Variants in RBFOX1 observed in about 807,000 individuals in gnomAD.
RBFOX1 encodes RNA binding fox-1 homolog 1.
A neutral mutation model predicts 57.7 loss-of-function variants in RBFOX1; 8 were observed. The observed-to-expected ratio is 0.14, with a 90% confidence interval of 0.08 to 0.25. RBFOX1 has a LOEUF of 0.25. Among genes scored for constraint, RBFOX1 ranks in the 10% least tolerant of loss-of-function variants. RBFOX1 has a pLI of 1.00. For synonymous variants in RBFOX1, 326 were observed against 222.4 expected (o/e 1.47, Z -4.15); for missense variants, 611 against 548.5 (o/e 1.11, Z -1.14).
At chr16:6,315,859 A>C (rs1470235484) in intron 1 of RBFOX1, among the ~76,000 whole-genome samples, 1 of 152,112 alleles carries the variant, frequency 6.6e-6, no homozygotes, top group African/African-American at 2.4e-5. Flanking sequence ...GACTCACCAG[A>C]TGTGAAGACT....
chr16:7,407,277 C>G (rs774404787), intron 4 of RBFOX1, among the ~76,000 whole-genome samples: 1 of 152,110 alleles, frequency 6.6e-6, no homozygotes, highest in Non-Finnish European at 1.5e-5. Flanking sequence ...GGATGTTACT[C>G]TGGCTACCAC....
At chr16:5,655,627 C>T (rs2049401461) in intron 3 of RBFOX1, among the ~76,000 whole-genome samples, 1 of 152,138 alleles carries the variant, frequency 6.6e-6, no homozygotes. Flanking sequence ...CAGCAGAGTG[C>T]CCTGTGTGTC....
intron 4 of RBFOX1, among the ~76,000 whole-genome samples, chr16:7,179,304 C>G (rs139785531): frequency 2.0e-5 from 3 of 151,632 alleles, no homozygotes; most frequent in African/African-American, 7.3e-5. Context: ...TCAAGAGATT[C>G]TGTGTTCAAA....
At chr16:5,285,123 A>G (rs1488198222) in intron 1 of RBFOX1, among the ~76,000 whole-genome samples, 1 of 152,170 alleles carries the variant, frequency 6.6e-6, no homozygotes, top group Non-Finnish European at 1.5e-5. Flanking sequence ...TATGTGTCCC[A>G]TATGTCATGT....
chr16:6,165,065 G>A (rs370064816), intron 1 of RBFOX1, among the ~76,000 whole-genome samples: 4 of 152,110 alleles, frequency 2.6e-5, no homozygotes, highest in Middle Eastern at 3.4e-3. Context: ...TCTTTGAGGC[G>A]TGATTATGGT....
At chr16:6,299,694 A>T (rs185243362) in intron 1 of RBFOX1, among the ~76,000 whole-genome samples, 1 of 152,250 alleles carries the variant, frequency 6.6e-6, no homozygotes, top group African/African-American at 2.4e-5. Context: ...CTACCTGCCA[A>T]AGCCTAAACT....
chr16:7,081,538 T>C (rs1368277473), intron 4 of RBFOX1, among the ~76,000 whole-genome samples: 1 of 152,166 alleles, frequency 6.6e-6, no homozygotes, highest in East Asian at 1.9e-4. Flanking sequence ...ATGATGGGAA[T>C]GAGAGTAGTG....
In RBFOX1 at chr16:5,492,953, C is replaced by G. The variant is rs114686940; in HGVS notation, c.258+25699C>G. On this transcript the variant is annotated intron_variant, in intron 2 of 2. Transcript: ENST00000585867. ...ACTTCTTTTGACCCTAGAGCCTACA[C>G]CAAGATTTGGCAAACTATGGCCCAT... is the stretch of plus-strand genomic sequence containing the variant. Among the ~76,000 whole-genome samples the G allele has an allele frequency of 7.6e-3, 1,151 of 152,322 alleles. 9 individuals are homozygous for G. Among genetic ancestry groups the G allele is most frequent in the African/African-American group, 0.026 (1,089 of 41,556 alleles).
rs529651912 is a variant in RBFOX1, at chr16:5,498,137, T to C, written c.258+30883T>C. ...TTAGTAAGGGGATTGCATTTTATTC[T>C]TTTGTTTTTGTTTTTGTTTCTGAGA... On this transcript the variant is annotated intron_variant, in intron 2 of 2. Transcript: ENST00000585867. 5.9e-5 allele frequency among the ~76,000 whole-genome samples: 9 copies of C among 152,192 alleles called. No individual in the cohort carries two copies. The East Asian group carries it at 1.7e-3, about 29-fold the overall frequency.
intron 5 of RBFOX1, among the ~76,000 whole-genome samples, chr16:7,571,184 C>G (rs947544919): frequency 1.3e-5 from 2 of 151,280 alleles, no homozygotes; most frequent in African/African-American, 4.9e-5. Context: ...ATGTAACAAA[C>G]CTGCACATGT....
chr16:5,917,650 G>C (rs1444300473), intron 4 of RBFOX1, among the ~76,000 whole-genome samples: 1 of 152,172 alleles, frequency 6.6e-6, no homozygotes, highest in Non-Finnish European at 1.5e-5. Flanking sequence ...AAATGTGTCA[G>C]CACGGAAATG....
At chr16:7,154,393 T>A (rs1016760059) in intron 4 of RBFOX1, among the ~76,000 whole-genome samples, 1 of 152,106 alleles carries the variant, frequency 6.6e-6, no homozygotes, top group African/African-American at 2.4e-5. Flanking sequence ...ACATTTCATG[T>A]GAATGTGGGA....
At chr16:7,356,388 C>T (rs1274659441) in intron 4 of RBFOX1, among the ~76,000 whole-genome samples, 12 of 152,150 alleles carry the variant, frequency 7.9e-5, no homozygotes, top group Non-Finnish European at 2.9e-5. Context: ...CCTCTCTGAG[C>T]ATGCACACTA....
intron 3 of RBFOX1, among the ~76,000 whole-genome samples, chr16:6,814,694 G>C (rs540353327): frequency 6.6e-5 from 10 of 152,260 alleles, no homozygotes; most frequent in African/African-American, 2.4e-4. Flanking sequence ...GCAGCATGTG[G>C]AAGGTCTTGG....
At chr16:7,421,887 G>C (rs1441150857) in intron 4 of RBFOX1, among the ~76,000 whole-genome samples, 1 of 150,256 alleles carries the variant, frequency 6.7e-6, no homozygotes, top group Non-Finnish European at 1.5e-5. Flanking sequence ...AAGGAGAAGT[G>C]AGCCCTTAAA....
intron 4 of RBFOX1, among the ~76,000 whole-genome samples, chr16:7,078,861 AC>A (rs1315448454): frequency 5.3e-4 from 16 of 30,376 alleles, no homozygotes; most frequent in African/African-American, 1.5e-3. Flanking sequence ...TTATATATAT[AC>A]CTTTTTTTTT....
chr16:6,450,472 A>G (rs564512678), intron 2 of RBFOX1, among the ~76,000 whole-genome samples: 1 of 151,658 alleles, frequency 6.6e-6, no homozygotes, highest in Non-Finnish European at 1.5e-5. Context: ...GATATCAACC[A>G]TAAGATTTCC....
chr16:6,761,230 A>G (rs900349499), intron 3 of RBFOX1, among the ~76,000 whole-genome samples: 4 of 152,092 alleles, frequency 2.6e-5, no homozygotes, highest in African/African-American at 9.7e-5. Flanking sequence ...AGCCCAGGTA[A>G]TTGGGGGAAA....
At chr16:5,882,702 G>C (rs959067032) in intron 4 of RBFOX1, among the ~76,000 whole-genome samples, 10 of 152,208 alleles carry the variant, frequency 6.6e-5, no homozygotes, top group African/African-American at 2.4e-4. Flanking sequence ...TGAAATGTTA[G>C]TTTGTGCAGC....
Sources: gnomAD v4.1 joint callset for allele counts (sites outside exome capture counted in the v4.1 genomes callset) on GRCh38, gnomAD v4.1.1 for gene constraint, MANE v1.5 for transcripts, NCBI Gene and HGNC (gene_info 2026-07-23, HGNC 2026-07-21) for gene names.